Variants in SHC2 observed in about 807,000 individuals in gnomAD.
SHC2 encodes SHC-transforming protein 2.
Under a neutral mutation model 60.6 loss-of-function variants are expected in SHC2, and 62 were observed. That is an observed-to-expected ratio of 1.02 (90% CI 0.83 to 1.26). SHC2 has a LOEUF of 1.26. Ranked by LOEUF, SHC2 falls within the 50% of genes most tolerant of loss-of-function variation. The pLI, the probability that SHC2 is intolerant of heterozygous loss-of-function variation, is 0.00. For synonymous variants in SHC2, 375 were observed against 372.4 expected (o/e 1.01, Z -0.08); for missense variants, 873 against 822.2 (o/e 1.06, Z -0.76).
chr19:433,407 CGTGA>C (rs780554742), intron 8 of SHC2, among the ~76,000 whole-genome samples: 53 of 10,208 alleles, frequency 5.2e-3, no homozygotes, highest in African/African-American at 0.027. Context: ...GGCGCTTCAT[CGTGA>C]GTGAGATCGT....
intron 11 of SHC2, 147 bp downstream of exon 11, chr19:421,999 A>T: frequency 1.3e-6 from 1 of 790,676 alleles, no homozygotes. Context: ...TAAACATGGA[A>T]AGCTCCTGCA....
chr19:443,878 G>A (rs1974981244), intron 1 of SHC2, among the ~76,000 whole-genome samples: 1 of 125,488 alleles, frequency 8.0e-6, no homozygotes, highest in African/African-American at 3.0e-5. Flanking sequence ...GGATGGATGT[G>A]TAGGTGGATG....
At position 438,921 on chromosome 19, in the gene SHC2, GC is replaced by G; in HGVS notation, c.600+48del. 1 of 1,546,590 alleles carries G rather than the reference GC, an allele frequency of 6.5e-7. No individual in the cohort carries two copies. The highest frequency in any genetic ancestry group is 8.8e-7 in the Non-Finnish European group (1 of 1,138,410). ...CCAGGATGGCCGCAGCGTCCCCACA[GC>G]CCCCGACTGCCCCACCAGCCCCACG... On this transcript the variant is annotated intron_variant, in intron 3 of 12. Transcript: ENST00000264554. The surrounding 1 kb of genome is among the most constrained non-coding windows in gnomAD (Gnocchi z 5.0).
At chr19:434,973 C>T (rs1452593043) in intron 7 of SHC2, 108 bp from the exon 8 acceptor site, 3 of 1,192,818 alleles carry the variant, frequency 2.5e-6, no homozygotes, top group Non-Finnish European at 3.5e-6. Flanking sequence ...CGAATCCCAG[C>T]CCCCCACCTG....
At position 418,900 on chromosome 19, in the gene SHC2, G is replaced by C. The variant is rs199577951; in HGVS notation, c.*5+23C>G. The C allele has an allele frequency of 5.7e-6, 9 of 1,572,620 alleles. No individual in the cohort carries two copies. In the Admixed American group the frequency reaches 8.9e-5, roughly 16 times the overall value. On this transcript the variant is annotated intron_variant, in intron 12 of 12. Coordinates refer to ENST00000264554, the MANE Select transcript of SHC2 (RefSeq NM_012435.3). ...ATCTGGCAAAGGAGGCAAGGCCAGC[G>C]ACCCACGGCGGCAGCCACACACCTG...
Position 425,172 on chromosome 19 carries a change from G to A in SHC2, c.1234C>T (p.His412Tyr). ...AGACCCTGGGTGTTGACATACAGGT[G>A]CTCCTCGTGGTCCGGGGGGCCCCGG... is the stretch of plus-strand genomic sequence containing the variant. The part of the protein sequence containing the change: ...DARGPPDHEE[H>Y]LYVNTQGLDA... Residue 412 changes from histidine (H) to tyrosine (Y), a missense_variant, in exon 10 of 13, where the codon CAC (histidine) becomes TAC (tyrosine). Transcript: ENST00000264554. The surrounding 1 kb of genome is among the most constrained non-coding windows in gnomAD (Gnocchi z 4.1). The A allele has an allele frequency of 7.4e-6, 10 of 1,357,240 alleles. No homozygotes were observed. The highest frequency in any genetic ancestry group is 2.2e-5 in the South Asian group (1 of 45,676). 84.1% of individuals were successfully genotyped at this position (1,357,240 alleles called of 1,614,324 possible).
chr19:428,752 C>T (rs1345693659), intron 9 of SHC2, among the ~76,000 whole-genome samples: 2 of 152,048 alleles, frequency 1.3e-5, no homozygotes, highest in African/African-American at 4.8e-5. Flanking sequence ...GAATGCAGTA[C>T]CTATATCCAA....
rs61747544 is a variant in SHC2 at position 422,339 on chromosome 19, G to T, written c.1427C>A (p.Ala476Asp). Reference sequence around the variant, plus strand: ...CTGACGCAGCTGTTCCTCCGTGGGGGCCACAGGGGCCCGGCGGGTAGGGGG... The same window carrying T: ...CTGACGCAGCTGTTCCTCCGTGGGGTCCACAGGGGCCCGGCGGGTAGGGGG... ...PSPPTRRAPV[A>D]PTEEQLRQEP... The change falls in exon 11 of 13, where the codon GCC becomes GAC. Residue 476 changes from alanine (A) to aspartate (D), a missense_variant. Ala to Asp is a moderately radical substitution (Grantham distance 126). Transcript: ENST00000264554. This position sits in a 1 kb window ranked among gnomAD's most constrained non-coding sequence, Gnocchi z 5.0. 1.4e-5 allele frequency: 22 copies of T among 1,609,306 alleles called. No individual in the cohort carries two copies. In the African/African-American group the frequency reaches 2.3e-4, roughly 17 times the overall value.
chr19:422,306 C>G lies in SHC2; in HGVS notation c.1460G>C (p.Trp487Ser). 2.5e-6 allele frequency: 4 copies of G among 1,611,830 alleles called. No individual in the cohort carries two copies. In the South Asian group the frequency reaches 4.4e-5, roughly 18 times the overall value. Residue 487 changes from tryptophan to serine, a missense_variant, in exon 11 of 13, where the codon TGG becomes TCG. Transcript: ENST00000264554. This position sits in a 1 kb window ranked among gnomAD's most constrained non-coding sequence, Gnocchi z 5.0. ...PTEEQLRQEP[W>S]YHGRMSRRAA... ...CCGGCGGCTCATCCGGCCGTGGTAC[C>G]AGGGCTCCTGACGCAGCTGTTCCTC...
intron 9 of SHC2, among the ~76,000 whole-genome samples, chr19:427,787 CAG>C (rs1260193720): frequency 2.5e-5 from 2 of 80,626 alleles, no homozygotes; most frequent in African/African-American, 5.4e-5. Context: ...GGTAAGGGGA[CAG>C]GGGACGGCGC....
rs919089972 is a variant in SHC2 at position 453,460 on chromosome 19, C to T, written c.468+7069G>A. ...AATGTTTTTTCTTTTTTGGTAGAGA[C>T]AGGGTTTCACCAAGCTGCCCAGGCT... On this transcript the variant is annotated intron_variant, in intron 1 of 12. Transcript: ENST00000264554. This position sits in a 1 kb window ranked among gnomAD's most constrained non-coding sequence, Gnocchi z 6.3. 3.9e-5 allele frequency among the ~76,000 whole-genome samples: 6 copies of T among 152,224 alleles called. No homozygotes were observed. The highest frequency in any genetic ancestry group is 3.4e-3 in the Middle Eastern group (1 of 294).
Position 436,400 on chromosome 19 carries a change from T to C in SHC2, c.806A>G (p.Lys269Arg), listed in dbSNP as rs1568288626. ...DMTDYVAYVA[K>R]DPINQRACHI... is the part of the protein sequence containing the mutation. ...CTCACCTCTCTGGTTGATGGGGTCC[T>C]TGGCGACGTAGGCCACGTAATCCGT... is the stretch of plus-strand genomic sequence containing the variant. The change falls in exon 6 of 13, where the codon AAG (lysine) becomes AGG (arginine). Residue 269 changes from lysine (K) to arginine (R), a missense_variant. Physicochemically the swap from Lys to Arg is conservative, Grantham distance 26. Transcript: ENST00000264554. 3 of 1,594,324 alleles carry C rather than the reference T, an allele frequency of 1.9e-6. No homozygotes were observed. The highest frequency in any genetic ancestry group is 1.7e-6 in the Non-Finnish European group (2 of 1,167,738).
In SHC2 at chr19:422,147, A is replaced by G. The variant is rs748180267; in HGVS notation, c.1619T>C (p.Val540Ala). 3 of 1,603,702 alleles carry G rather than the reference A, an allele frequency of 1.9e-6. No individual in the cohort carries two copies. The highest frequency in any genetic ancestry group is 2.2e-5 in the East Asian group (1 of 44,538). The change falls in exon 11 of 13, where the codon GTG (valine) becomes GCG (alanine). Residue 540 changes from valine (V) to alanine (A), a missense_variant and splice_region_variant. Transcript: ENST00000264554. This position sits in a 1 kb window ranked among gnomAD's most constrained non-coding sequence, Gnocchi z 5.0. The part of the protein sequence containing the change: ...KHLLLVDPEG[V>A]VRTKDVLFES... ...CCCTCCCACCTGTGCACAGCTTACC[A>G]CGCCCTCGGGGTCCACGAGCAGCAG... is the stretch of plus-strand genomic sequence containing the variant.
intron 1 of SHC2, among the ~76,000 whole-genome samples, chr19:458,189 G>GA (rs1427027645): frequency 7.1e-6 from 1 of 140,576 alleles, no homozygotes; most frequent in Non-Finnish European, 1.6e-5. Context: ...ATGTTCCGGG[G>GA]GACGGGGAAG....
chr19:454,955 C>G (rs2079881), intron 1 of SHC2, among the ~76,000 whole-genome samples: 5,467 of 152,308 alleles, frequency 0.036, 242 homozygotes, highest in East Asian at 0.19. Flanking sequence ...CTCGTCTCTG[C>G]CCCTCTCATC....
In SHC2 at chr19:422,415, C is replaced by T. The variant is rs774606664; in HGVS notation, c.1351G>A (p.Ala451Thr). The T allele has an allele frequency of 6.3e-7, 1 of 1,590,086 alleles. No individual in the cohort carries two copies. Among genetic ancestry groups the T allele is most frequent in the South Asian group, 1.1e-5 (1 of 87,606 alleles). Residue 451 changes from alanine (A) to threonine (T), a missense_variant, in exon 11 of 13, where the codon GCG (alanine) becomes ACG (threonine). Ala to Thr is a moderately conservative substitution (Grantham distance 58). Coordinates refer to ENST00000264554, the MANE Select transcript of SHC2 (RefSeq NM_012435.3). This position sits in a 1 kb window ranked among gnomAD's most constrained non-coding sequence, Gnocchi z 5.0. ...DALKLHECSV[A>T]AGVTAAPLPL... ...AGAGGGGCTGCTGTCACGCCTGCCG[C>T]CACTGAGCACTCATGCAACTTCAGG...
chr19:437,031 G>GCACACA lies in SHC2; in HGVS notation c.721-354_721-349dup, dbSNP rs150186783. Among the ~76,000 whole-genome samples the GCACACA allele has an allele frequency of 8.5e-3, 1,284 of 150,706 alleles. 15 individuals carry two copies. Among genetic ancestry groups the GCACACA allele is most frequent in the African/African-American group, 0.029 (1,196 of 41,248 alleles). On this transcript the variant is annotated intron_variant, in intron 4 of 12. Coordinates refer to ENST00000264554, the MANE Select transcript of SHC2 (RefSeq NM_012435.3). ...CACACACCCCAAGCCCCACACACATGCACACACACACACACACCCGAAGCA... is the reference window on the plus strand; with the variant it reads ...CACACACCCCAAGCCCCACACACATGCACACACACACACACACACACACCCGAAGCA...
rs1974683567 is a variant in SHC2 at position 434,977 on chromosome 19, C to T, written c.954-112G>A. The T allele has an allele frequency of 4.4e-6, 5 of 1,131,600 alleles. No individual in the cohort carries two copies. The Admixed American group carries it at 7.7e-5, about 17-fold the overall frequency. The allele number at this position is 1,131,600 out of a possible 1,614,324, so 70.1% of individuals were successfully genotyped here. A position where few individuals can be genotyped will look rare whatever the true frequency, so the allele number is the denominator to read the frequency against. On this transcript the variant is annotated intron_variant, in intron 7 of 12. Coordinates refer to ENST00000264554, the MANE Select transcript of SHC2 (RefSeq NM_012435.3). ...ATATCTGAGTTCGAATCCCAGCCCC[C>T]CACCTGTCACTGAGGGTTCCTACCG... is the stretch of plus-strand genomic sequence containing the variant.
intron 11 of SHC2, among the ~76,000 whole-genome samples, chr19:420,442 C>T (rs1453094753): frequency 1.3e-5 from 2 of 152,222 alleles, no homozygotes; most frequent in East Asian, 1.9e-4. Flanking sequence ...CCTCCGAACC[C>T]TCTAGCACCT....
Sources: gnomAD v4.1 joint callset for allele counts (sites outside exome capture counted in the v4.1 genomes callset) on GRCh38, gnomAD v4.1.1 for gene constraint, Gnocchi (gnomAD v3.1) non-coding constraint, MANE v1.5 for transcripts, NCBI Gene and HGNC (gene_info 2026-07-23, HGNC 2026-07-21) for gene names.